NHEJ1: variants seen among roughly 807,000 people sequenced by gnomAD.
The protein encoded by NHEJ1 is non-homologous end joining factor 1, also known as non-homologous end-joining factor 1.
A neutral mutation model predicts 39.4 loss-of-function variants in NHEJ1; 22 were observed. That is an observed-to-expected ratio of 0.56 (90% CI 0.40 to 0.80). The LOEUF (loss-of-function observed/expected upper bound fraction) is 0.80, where lower values mean the gene tolerates loss of function less well. Ranked by LOEUF, NHEJ1 falls within the 30% of genes least tolerant of loss-of-function variation. The pLI, the probability that NHEJ1 is intolerant of heterozygous loss-of-function variation, is 0.00. For synonymous variants in NHEJ1, 154 were observed against 135.6 expected (o/e 1.14, Z -0.94); for missense variants, 329 against 357.1 (o/e 0.92, Z 0.63).
At chr2:219,159,628 TTTC>T (rs1949909412) in intron 1 of NHEJ1, among the ~76,000 whole-genome samples, 1 of 145,588 alleles carries the variant, frequency 6.9e-6, no homozygotes, top group African/African-American at 2.6e-5. Flanking sequence ...CGTGGTGATC[TTTC>T]TTTATGGCAT....
intron 5 of NHEJ1, among the ~76,000 whole-genome samples, chr2:219,097,419 G>A (rs771242769): frequency 4.6e-5 from 7 of 152,190 alleles, no homozygotes; most frequent in Non-Finnish European, 8.8e-5. Context: ...TGGATGTGGG[G>A]TATGAGAGAA....
At chr2:219,157,726 A>C (rs745323939) in intron 2 of NHEJ1, 42 bp from the exon 3 acceptor site, 56 of 1,518,922 alleles carry the variant, frequency 3.7e-5, no homozygotes, top group Non-Finnish European at 4.8e-5. Context: ...TGCTAAAAGG[A>C]AACTAATTCC....
intron 5 of NHEJ1, among the ~76,000 whole-genome samples, chr2:219,135,043 T>TAAAAAAAAAAAAA (rs59843524): frequency 9.1e-6 from 1 of 110,420 alleles, no homozygotes. Flanking sequence ...CCGTCTCAAT[T>TAAAAAAAAAAAAA]AAAAAAAAAA....
At chr2:219,146,486 G>A (rs1361060390) in intron 5 of NHEJ1, among the ~76,000 whole-genome samples, 194 bp downstream of exon 5, 3 of 152,074 alleles carry the variant, frequency 2.0e-5, no homozygotes, top group Non-Finnish European at 4.4e-5. Context: ...CGCCTCTTAC[G>A]TTCTTTCCCC....
intron 5 of NHEJ1, among the ~76,000 whole-genome samples, chr2:219,091,487 T>C (rs1218878655): frequency 6.6e-6 from 1 of 152,050 alleles, no homozygotes; most frequent in East Asian, 1.9e-4. Context: ...TCTCCCTAAG[T>C]CCTGTAGAGA....
At position 219,157,392 on chromosome 2, in the gene NHEJ1, A is replaced by G. The variant is rs889316784; in HGVS notation, c.390+80T>C. The G allele has an allele frequency of 2.2e-5, 27 of 1,237,554 alleles. No individual in the cohort carries two copies. The South Asian group carries it at 2.4e-4, about 11-fold the overall frequency. The allele number at this position is 1,237,554 out of a possible 1,614,324, so 76.7% of individuals were successfully genotyped here. A position where few individuals can be genotyped will look rare whatever the true frequency, so the allele number is the denominator to read the frequency against. On this transcript the variant is annotated intron_variant, in intron 3 of 7. Transcript: ENST00000356853. ...GAGAAGAATTTCAAACAAGGTTTGCAAAAAAAATAAAAGCACCTAAAGCTT... is the reference window on the plus strand; with the variant it reads ...GAGAAGAATTTCAAACAAGGTTTGCGAAAAAAATAAAAGCACCTAAAGCTT...
chr2:219,102,637 G>A (rs1325288712), intron 5 of NHEJ1: 1 of 151,974 alleles, frequency 6.6e-6, no homozygotes, highest in Non-Finnish European at 1.5e-5. Flanking sequence ...TAACAGAGCA[G>A]GTCAAAACTC....
chr2:219,139,553 T>C (rs1490990251), intron 5 of NHEJ1, among the ~76,000 whole-genome samples: 1 of 152,210 alleles, frequency 6.6e-6, no homozygotes, highest in Non-Finnish European at 1.5e-5. Flanking sequence ...CCAGCTGACA[T>C]ATTGACTGCA....
At chr2:219,115,328 T>A (rs2106341746) in intron 5 of NHEJ1, among the ~76,000 whole-genome samples, 1 of 152,266 alleles carries the variant, frequency 6.6e-6, no homozygotes, top group East Asian at 1.9e-4. Flanking sequence ...GCCATGCTAT[T>A]ACAGATCTAG....
chr2:219,117,425 G>C (rs1215101440), intron 5 of NHEJ1, among the ~76,000 whole-genome samples: 1 of 152,226 alleles, frequency 6.6e-6, no homozygotes, highest in East Asian at 1.9e-4. Flanking sequence ...CACCTGGTCA[G>C]TAACAAAGAG....
At chr2:219,101,028 A>C (rs1447646301) in intron 5 of NHEJ1, among the ~76,000 whole-genome samples, 1 of 152,238 alleles carries the variant, frequency 6.6e-6, no homozygotes, top group African/African-American at 2.4e-5. Context: ...TGGTATAAAC[A>C]TCCCAAATGG....
chr2:219,124,795 A>T (rs371564639), intron 5 of NHEJ1: 2 of 152,244 alleles, frequency 1.3e-5, no homozygotes, highest in South Asian at 2.1e-4. Context: ...ATTATTACAG[A>T]GAAGACTATA....
Position 219,074,833 on chromosome 2 carries a change from A to T in NHEJ1, c.*1548T>A, listed in dbSNP as rs944541867. Among the ~76,000 whole-genome samples, 5 of 151,978 alleles carry T rather than the reference A, an allele frequency of 3.3e-5. No homozygotes were observed. The highest frequency in any genetic ancestry group is 1.2e-4 in the African/African-American group (5 of 41,354). ...ATTCACTTCGATGACAGTCACTACC[A>T]CACAGCACACTCTAGGGTCCTGTGG... On this transcript the variant is annotated 3_prime_UTR_variant, in exon 8 of 8. Coordinates refer to ENST00000356853, the MANE Select transcript of NHEJ1 (RefSeq NM_024782.3).
At chr2:219,155,881 C>T (rs543838175) in intron 3 of NHEJ1, among the ~76,000 whole-genome samples, 104 of 150,768 alleles carry the variant, frequency 6.9e-4, no homozygotes, top group Non-Finnish European at 1.2e-3. Flanking sequence ...GCTGAGATCA[C>T]GCCACTGCAC....
intron 5 of NHEJ1, among the ~76,000 whole-genome samples, chr2:219,127,764 TC>T (rs1390469090): frequency 1.3e-5 from 2 of 152,244 alleles, no homozygotes; most frequent in Non-Finnish European, 2.9e-5. Flanking sequence ...AAACATTCAT[TC>T]CTTTTCTTTC....
chr2:219,118,840 A>C (rs1439833236), intron 5 of NHEJ1, among the ~76,000 whole-genome samples: 1 of 152,170 alleles, frequency 6.6e-6, no homozygotes, highest in Non-Finnish European at 1.5e-5. Context: ...CGTCAGAGAC[A>C]ATGCTGGAAG....
chr2:219,089,938 T>A (rs1221972245), intron 5 of NHEJ1, among the ~76,000 whole-genome samples: 1 of 152,198 alleles, frequency 6.6e-6, no homozygotes, highest in Non-Finnish European at 1.5e-5. Context: ...GCTGAGAGAC[T>A]GGAGGTGGCA....
chr2:219,158,488 G>T, intron 1 of NHEJ1, 126 bp from the exon 2 acceptor site: 1 of 859,030 alleles, frequency 1.2e-6, no homozygotes, highest in South Asian at 1.4e-5. Flanking sequence ...AGAAGGCATG[G>T]ATTTACGTTC....
In NHEJ1 at chr2:219,072,250, G is replaced by T. The variant is rs557847178; in HGVS notation, c.*4131C>A. On this transcript the variant is annotated 3_prime_UTR_variant, in exon 8 of 8. Coordinates refer to ENST00000356853, the MANE Select transcript of NHEJ1 (RefSeq NM_024782.3). Reference sequence around the variant, plus strand: ...AGAGCACCCTGTAGCAGCTTCCAGGGCATCAATGCAGCTGGGAACCCCCCT... The same window carrying T: ...AGAGCACCCTGTAGCAGCTTCCAGGTCATCAATGCAGCTGGGAACCCCCCT... Among the ~76,000 whole-genome samples, 2 of 152,162 alleles carry T rather than the reference G, an allele frequency of 1.3e-5. No individual in the cohort carries two copies. Among genetic ancestry groups the T allele is most frequent in the Non-Finnish European group, 2.9e-5 (2 of 68,028 alleles).
Sources: gnomAD v4.1 joint callset for allele counts (sites outside exome capture counted in the v4.1 genomes callset) on GRCh38, gnomAD v4.1.1 for gene constraint, MANE v1.5 for transcripts, NCBI Gene and HGNC (gene_info 2026-07-23, HGNC 2026-07-21) for gene names.